TDRD12: variants seen among roughly 807,000 people sequenced by gnomAD.
TDRD12 encodes tudor domain containing 12.
In TDRD12, 158 loss-of-function variants were observed where a neutral mutation model predicts 133.5. The ratio of observed to expected loss-of-function variants is 1.18; its 90% confidence interval spans 1.04 to 1.35. TDRD12 has a LOEUF of 1.35. Ranked by LOEUF, TDRD12 falls within the 40% of genes most tolerant of loss-of-function variation. The probability of loss-of-function intolerance (pLI) is 0.00; values close to 1 mark genes in which losing one functional copy is unlikely to be tolerated. For missense variants in TDRD12, 1,443 were observed against 1,321.3 expected, an observed-to-expected ratio of 1.09 and a Z score of -1.43; for synonymous variants, 460 against 477.9, an observed-to-expected ratio of 0.96 and a Z score of 0.49.
chr19:32,784,458 T>C (rs1242278785), intron 11 of TDRD12, among the ~76,000 whole-genome samples: 1 of 152,138 alleles, frequency 6.6e-6, no homozygotes, highest in East Asian at 1.9e-4. Context: ...TCTTTTTTTG[T>C]TGTGACTCTG....
chr19:32,766,435 G>A (rs907167156), intron 8 of TDRD12, among the ~76,000 whole-genome samples: 1 of 152,198 alleles, frequency 6.6e-6, no homozygotes, highest in African/African-American at 2.4e-5. Flanking sequence ...CTATCACGTA[G>A]TAGGTCTTAC....
chr19:32,756,942 G>A, intron 7 of TDRD12, 96 bp from the exon 8 acceptor site: 1 of 1,097,890 alleles, frequency 9.1e-7, no homozygotes, highest in South Asian at 1.4e-5. Context: ...TAACCTCAGA[G>A]CAAAAGCAAG....
At chr19:32,749,919 C>T in intron 6 of TDRD12, 50 bp downstream of exon 6, 1 of 1,336,298 alleles carries the variant, frequency 7.5e-7, no homozygotes, top group Non-Finnish European at 1.0e-6. Flanking sequence ...TTAAATTTTA[C>T]TTTAATAAAA....
At chr19:32,806,194 A>AG (rs1971543348) in intron 21 of TDRD12, among the ~76,000 whole-genome samples, 1 of 152,212 alleles carries the variant, frequency 6.6e-6, no homozygotes, top group South Asian at 2.1e-4. Flanking sequence ...CGTGATACAC[A>AG]GACAGCTGAG....
chr19:32,796,351 C>T (rs193038794), intron 14 of TDRD12: 17 of 188,786 alleles, frequency 9.0e-5, no homozygotes, highest in African/African-American at 2.4e-4. Context: ...CACTTTGGGA[C>T]GCCGAGGCAG....
chr19:32,803,287 C>G (rs1163945464), intron 21 of TDRD12, 145 bp downstream of exon 21: 2 of 607,716 alleles, frequency 3.3e-6, no homozygotes, highest in Admixed American at 6.8e-5. Flanking sequence ...CACTCTTCCC[C>G]ACGTGCCCTC....
At chr19:32,815,448 G>A (rs1967145318) in exon 26 of TDRD12, 2 of 1,533,532 alleles carry the variant, frequency 1.3e-6, no homozygotes, top group South Asian at 2.4e-5. Context: ...TTGATTCAAG[G>A]TGCACATTAC....
intron 11 of TDRD12, among the ~76,000 whole-genome samples, chr19:32,778,891 C>G (rs1398295457): frequency 1.3e-5 from 2 of 152,234 alleles, no homozygotes; most frequent in Non-Finnish European, 2.9e-5. Flanking sequence ...TTAGAACCCA[C>G]TGATTAAACA....
chr19:32,751,055 G>C lies in TDRD12; in HGVS notation c.582+1186G>C, dbSNP rs71351193. On this transcript the variant is annotated intron_variant, in intron 6 of 27. Transcript: ENST00000444215. ...GCTGGCCAGATCATCCCGTGACCTA[G>C]GTATTAAGCCCAAAACCCATTAGCT... is the stretch of plus-strand genomic sequence containing the variant. Among the ~76,000 whole-genome samples, 6 of 152,120 alleles carry C rather than the reference G, an allele frequency of 3.9e-5. No homozygotes were observed. The South Asian group carries it at 1.2e-3, about 32-fold the overall frequency.
chr19:32,788,111 ACTTTTTTTTTT>A (rs953558941), intron 11 of TDRD12, among the ~76,000 whole-genome samples: 1 of 150,090 alleles, frequency 6.7e-6, no homozygotes, highest in Non-Finnish European at 1.5e-5. Context: ...TTTTTGCTTT[ACTTTTTTTTTT>A]CTTTTTTTTT....
Position 32,725,424 on chromosome 19 carries a change from T to A in TDRD12, c.24+5328T>A, listed in dbSNP as rs138184256. ...TAAGGAAAGGGTCCAGTTTCAGTTT[T>A]CTGCATACGGCTAGCCAGTTTTCCC... On this transcript the variant is annotated intron_variant, in intron 1 of 27. Transcript: ENST00000444215. Among the ~76,000 whole-genome samples, 929 of 152,304 alleles carry A rather than the reference T, an allele frequency of 6.1e-3. 6 individuals carry two copies. Among genetic ancestry groups the A allele is most frequent in the African/African-American group, 0.021 (857 of 41,560 alleles).
intron 13 of TDRD12, among the ~76,000 whole-genome samples, chr19:32,792,197 G>A (rs1971092526): frequency 6.6e-6 from 1 of 151,864 alleles, no homozygotes; most frequent in South Asian, 2.1e-4. Flanking sequence ...AGTGAGCTGA[G>A]ATTGTGCCAC....
intron 8 of TDRD12, 29 bp from the exon 31 acceptor site, chr19:32,826,416 G>T: frequency 8.3e-7 from 1 of 1,200,954 alleles, no homozygotes; most frequent in Non-Finnish European, 1.0e-6. Context: ...ATTTTAAAAG[G>T]CTGACTTTAT....
intron 11 of TDRD12, among the ~76,000 whole-genome samples, chr19:32,779,373 CT>C (rs1245995493): frequency 6.6e-6 from 1 of 152,102 alleles, no homozygotes; most frequent in Non-Finnish European, 1.5e-5. Flanking sequence ...GGTTGTATTT[CT>C]TTCTCCTCGG....
chr19:32,827,145 T>G lies in TDRD12; in HGVS notation c.1050-19T>G. 1 of 1,181,550 alleles carries G rather than the reference T, an allele frequency of 8.5e-7. No homozygotes were observed. Among genetic ancestry groups the G allele is most frequent in the Non-Finnish European group, 1.1e-6 (1 of 941,900 alleles). The allele number at this position is 1,181,550 out of a possible 1,614,324, so 73.2% of individuals were successfully genotyped here. A position where few individuals can be genotyped will look rare whatever the true frequency, so the allele number is the denominator to read the frequency against. On this transcript the variant is annotated intron_variant, in intron 9 of 9. Coordinates refer to the TDRD12 transcript ENST00000637289. ...CTGATTAGTCTACACTTATTTGTTA[T>G]AATATCTTACTCCTTTAGTAGTGAA...
chr19:32,784,616 C>A (rs1246503054), intron 11 of TDRD12, among the ~76,000 whole-genome samples: 5 of 152,078 alleles, frequency 3.3e-5, no homozygotes, highest in African/African-American at 4.8e-5. Flanking sequence ...TCTGTCTGTT[C>A]CTGGAATTTT....
intron 21 of TDRD12, among the ~76,000 whole-genome samples, 195 bp downstream of exon 21, chr19:32,803,337 T>C (rs1215340194): frequency 1.3e-5 from 2 of 152,212 alleles, no homozygotes; most frequent in Non-Finnish European, 2.9e-5. Flanking sequence ...CTTTGCATGA[T>C]TTTGAACTCC....
At chr19:32,826,332 T>C in exon 8 of TDRD12, 2 of 1,352,660 alleles carry the variant, frequency 1.5e-6, no homozygotes, top group South Asian at 2.2e-5. Flanking sequence ...CAAGTGTCAG[T>C]ATTTAAGGGA....
At chr19:32,827,367 CT>C (rs1483871649) in exon 10 of TDRD12, 1 of 256,406 alleles carries the variant, frequency 3.9e-6, no homozygotes, top group Non-Finnish European at 6.0e-6. Context: ...TTTTTCTTTT[CT>C]TTTCTTTTTT....
Sources: allele counts gnomAD v4.1 joint callset (sites outside exome capture counted in the v4.1 genomes callset), GRCh38; gene constraint gnomAD v4.1.1; transcripts MANE v1.5; gene names NCBI Gene and HGNC (gene_info 2026-07-23, HGNC 2026-07-21).